The following DMAC2 variants were observed in gnomAD, a reference collection of about 807,000 sequenced individuals.
DMAC2 encodes distal membrane arm assembly component 2.
DMAC2 carries 32 observed loss-of-function variants against 29.6 expected under a neutral mutation model. The observed-to-expected ratio is 1.08, with a 90% confidence interval of 0.81 to 1.45. DMAC2 has a LOEUF of 1.45. Ranked by LOEUF, DMAC2 falls within the 40% of genes most tolerant of loss-of-function variation. The pLI, the probability that DMAC2 is intolerant of heterozygous loss-of-function variation, is 0.00. For missense variants in DMAC2, 319 were observed against 340.0 expected (o/e 0.94, Z 0.49); for synonymous variants, 133 against 137.4 (o/e 0.97, Z 0.23).
At chr19:41,432,564 T>TGTGA in intron 5 of DMAC2, 156 bp from the exon 6 acceptor site, 7 of 605,484 alleles carry the variant, frequency 1.2e-5, no homozygotes, top group East Asian at 3.1e-5. Flanking sequence ...CAGGACAGTG[T>TGTGA]GTGCGTGTGT....
At chr19:41,439,606 G>A (rs1426064953) in intron 1 of DMAC2, 3 of 1,502,112 alleles carry the variant, frequency 2.0e-6, no homozygotes, top group Non-Finnish European at 2.7e-6. Context: ...TTGGTTAGTC[G>A]CGTCGCTCTT....
At chr19:41,433,001 T>A (rs183702199) in intron 5 of DMAC2, 1 of 535,936 alleles carries the variant, frequency 1.9e-6, no homozygotes, top group African/African-American at 1.9e-5. Context: ...ACTGTGTTAA[T>A]TGCAAATATG....
intron 5 of DMAC2, chr19:41,432,674 G>GTGTATGTGTA: frequency 2.7e-6 from 1 of 364,230 alleles, no homozygotes; most frequent in South Asian, 2.6e-5. Context: ...GTGTGTGTGT[G>GTGTATGTGTA]TGTATAGGGA....
At chr19:41,439,543 A>G (rs2040045417) in intron 1 of DMAC2, 1 of 1,536,474 alleles carries the variant, frequency 6.5e-7, no homozygotes, top group Admixed American at 2.0e-5. Context: ...CTCTTATCCT[A>G]CAGGCCCCAC....
Position 41,431,647 on chromosome 19 carries a change from G to A in DMAC2, c.*584C>T. 2 of 271,074 alleles carry A rather than the reference G, an allele frequency of 7.4e-6. No individual in the cohort carries two copies. Among genetic ancestry groups the A allele is most frequent in the Admixed American group, 5.0e-5 (1 of 20,062 alleles). The allele number at this position is 271,074 out of a possible 1,614,324, so 16.8% of individuals were successfully genotyped here. On this transcript the variant is annotated 3_prime_UTR_variant, in exon 6 of 6. Transcript: ENST00000221943. The stretch of plus-strand genomic sequence containing the variant: ...GCCTTTCCTCCTATAATGCCTGTTT[G>A]GTGCCCTCTACTGACAAAGCTTATC...
chr19:41,431,781 G>C lies in DMAC2; in HGVS notation c.*450C>G, dbSNP rs2039521561. 1 of 234,578 alleles carries C rather than the reference G, an allele frequency of 4.3e-6. No homozygotes were observed. The highest frequency in any genetic ancestry group is 8.5e-6 in the Non-Finnish European group (1 of 117,496). The allele number at this position is 234,578 out of a possible 1,614,324, so 14.5% of individuals were successfully genotyped here. On this transcript the variant is annotated 3_prime_UTR_variant, in exon 6 of 6. Coordinates refer to ENST00000221943, the MANE Select transcript of DMAC2 (RefSeq NM_018035.3). Reference sequence around the variant, plus strand: ...GGGGTGCGCTGGCCTTTAGTGAGTGGAGTGGGGCGAAGGATGCTGCATGTC... The same window carrying C: ...GGGGTGCGCTGGCCTTTAGTGAGTGCAGTGGGGCGAAGGATGCTGCATGTC...
intron 3 of DMAC2, among the ~76,000 whole-genome samples, chr19:41,433,998 C>T (rs186572971): frequency 3.3e-5 from 5 of 152,138 alleles, no homozygotes; most frequent in Non-Finnish European, 7.4e-5. Flanking sequence ...CTTTGGGAGC[C>T]GAGGTGGGCG....
In DMAC2 at chr19:41,432,213, T is replaced by TGGGGACAGGGCTAAAGGCTAGGC. The variant is rs1555769080; in HGVS notation, c.769_*17dup. The stretch of plus-strand genomic sequence containing the variant: ...GCAGCCCGCTGAGAAGCCACGTGAG[T>TGGGGACAGGGCTAAAGGCTAGGC]GGGGACAGGGCTAAAGGCTAGGCAG... On this transcript the variant is annotated 3_prime_UTR_variant, in exon 6 of 6. Transcript: ENST00000221943. 1.2e-6 allele frequency: 2 copies of TGGGGACAGGGCTAAAGGCTAGGC among 1,604,718 alleles called. No individual in the cohort carries two copies. The highest frequency in any genetic ancestry group is 1.7e-6 in the Non-Finnish European group (2 of 1,173,816).
intron 2 of DMAC2, among the ~76,000 whole-genome samples, chr19:41,437,567 C>T (rs1016821817): frequency 5.3e-5 from 8 of 151,946 alleles, no homozygotes; most frequent in Non-Finnish European, 7.4e-5. Context: ...GGCCTGGTGG[C>T]GGGCGCCTGT....
At chr19:41,435,021 AATT>A (rs1400590399) in intron 3 of DMAC2, among the ~76,000 whole-genome samples, 1 of 151,412 alleles carries the variant, frequency 6.6e-6, no homozygotes, top group Non-Finnish European at 1.5e-5. Context: ...AAAAAAAAAA[AATT>A]ATTGAGCACA....
rs1221533961 is a variant in DMAC2, at chr19:41,436,454, C to G, written c.234G>C (p.Glu78Asp). 9 of 1,614,050 alleles carry G rather than the reference C, an allele frequency of 5.6e-6. No homozygotes were observed. The highest frequency in any genetic ancestry group is 7.6e-6 in the Non-Finnish European group (9 of 1,180,032). The stretch of plus-strand genomic sequence containing the variant: ...CTGCGCCGTATGGACCATGTTGCTT[C>G]TCCAGCCAGGTGTAAGATCTGCAGA... ...HEKNRSYTWLEKQHGPYGAGA... is the reference protein window; with the variant it reads ...HEKNRSYTWLDKQHGPYGAGA... Residue 78 changes from glutamate to aspartate, a missense_variant, in exon 3 of 6, where the codon GAG becomes GAC. Glu to Asp is a conservative substitution (Grantham distance 45, BLOSUM62 2). Transcript: ENST00000221943.
chr19:41,439,769 C>A lies in DMAC2; in HGVS notation c.18+113G>T, dbSNP rs142020680. 366 of 1,554,766 alleles carry A rather than the reference C, an allele frequency of 2.4e-4. 1 individual carries two copies. The Middle Eastern group carries it at 5.1e-3, about 22-fold the overall frequency. On this transcript the variant is annotated intron_variant, in intron 1 of 5. Transcript: ENST00000221943. ...CACTCCCAGTACGGGGCTTGCCAGGCTTAGCCTGCTGCCTCACGGCTTTCT... is the reference window on the plus strand; with the variant it reads ...CACTCCCAGTACGGGGCTTGCCAGGATTAGCCTGCTGCCTCACGGCTTTCT...
At chr19:41,439,780 G>T in intron 1 of DMAC2, 102 bp downstream of exon 1, 1 of 1,571,204 alleles carries the variant, frequency 6.4e-7, no homozygotes, top group Non-Finnish European at 8.8e-7. Flanking sequence ...TTAGCCTGCT[G>T]CCTCACGGCT....
At position 41,432,172 on chromosome 19, in the gene DMAC2, C is replaced by A; in HGVS notation, c.*59G>T. ...AAATGGAAGCCAGAAGTGTGGTGAG[C>A]TACCAGACATTCCATGCAGCCCGCT... On this transcript the variant is annotated 3_prime_UTR_variant, in exon 6 of 6. Transcript: ENST00000221943. 1 of 1,562,206 alleles carries A rather than the reference C, an allele frequency of 6.4e-7. No individual in the cohort carries two copies. The highest frequency in any genetic ancestry group is 1.2e-5 in the South Asian group (1 of 85,236).
chr19:41,437,526 C>T (rs2039932921), intron 2 of DMAC2, among the ~76,000 whole-genome samples: 1 of 151,960 alleles, frequency 6.6e-6, no homozygotes, highest in African/African-American at 2.4e-5. Context: ...TGGTGAAAAC[C>T]CATCTCTACT....
chr19:41,439,888 G>A lies in DMAC2; in HGVS notation c.12C>T (p.Pro4=), dbSNP rs1555772567. 1 of 1,614,218 alleles carries A rather than the reference G, an allele frequency of 6.2e-7. No homozygotes were observed. Residue 4 remains proline (P), a synonymous_variant, in exon 1 of 6, where the codon CCC becomes CCT. Coordinates refer to ENST00000221943, the MANE Select transcript of DMAC2 (RefSeq NM_018035.3). ...AGGAACTCCGGTCACTTACCGCCCA[G>A]GGAGCCGCCATCTTGCTAAGGTTTC... MAA[P]WASLRLVAPM... is the part of the protein sequence containing the mutation.
At chr19:41,432,899 C>G (rs1307916563) in intron 5 of DMAC2, 10 of 491,920 alleles carry the variant, frequency 2.0e-5, no homozygotes, top group Non-Finnish European at 3.6e-5. Context: ...TGCATGCGTG[C>G]ATGTGTGTGT....
chr19:41,439,219 T>A, intron 1 of DMAC2: 1 of 310,218 alleles, frequency 3.2e-6, no homozygotes, highest in East Asian at 6.0e-5. Context: ...ACCAAATTCT[T>A]TTTTTTTTTC....
Position 41,432,348 on chromosome 19 carries a change from C to G in DMAC2, c.657G>C (p.Gln219His). 3.1e-6 allele frequency: 5 copies of G among 1,614,176 alleles called. No individual in the cohort carries two copies. The highest frequency in any genetic ancestry group is 3.4e-6 in the Non-Finnish European group (4 of 1,180,034). ...LPAVSNPGLT[Q>H]ILVEEMLPNC... ...TGGGCAGCATCTCCTCCACCAATAT[C>G]TGAGTGAGGCCAGGGTTGGACACGG... The change falls in exon 6 of 6, where the codon CAG becomes CAC. Residue 219 changes from glutamine to histidine, a missense_variant. Coordinates refer to ENST00000221943, the MANE Select transcript of DMAC2 (RefSeq NM_018035.3).
Sources: allele counts gnomAD v4.1 joint callset (sites outside exome capture counted in the v4.1 genomes callset), GRCh38; gene constraint gnomAD v4.1.1; transcripts MANE v1.5; gene names NCBI Gene and HGNC (gene_info 2026-07-23, HGNC 2026-07-21).